The following SYT16 variants were observed in gnomAD, a reference collection of about 807,000 sequenced individuals.
SYT16 encodes the protein synaptotagmin 16, also known as synaptotagmin-16.
In SYT16, 42 loss-of-function variants were observed where a neutral mutation model predicts 61.4. The observed-to-expected ratio is 0.68, with a 90% CI of 0.53 to 0.89. The LOEUF is 0.89. SYT16 is among the 40% of genes least tolerant of loss of function. SYT16 has a pLI of 0.00. For missense variants in SYT16, 804 were observed against 807.3 expected, an observed-to-expected ratio of 1.00 and a Z score of 0.05; for synonymous variants, 314 against 302.3, an observed-to-expected ratio of 1.04 and a Z score of -0.40.
At chr14:61,967,688 T>C (rs2051370914) in intron 1 of SYT16, among the ~76,000 whole-genome samples, 1 of 152,160 alleles carries the variant, frequency 6.6e-6, no homozygotes, top group Non-Finnish European at 1.5e-5. Context: ...GATGAACTCA[T>C]TTCAAAATCC....
At chr14:61,882,662 C>T (rs1168898627) in intron 1 of SYT16, among the ~76,000 whole-genome samples, 2 of 152,164 alleles carry the variant, frequency 1.3e-5, no homozygotes, top group African/African-American at 4.8e-5. Context: ...TCTAACTGTT[C>T]CCCCAGATCT....
chr14:62,000,429 C>T (rs572094815), intron 3 of SYT16, among the ~76,000 whole-genome samples: 36 of 151,940 alleles, frequency 2.4e-4, no homozygotes, highest in Non-Finnish European at 4.6e-4. Flanking sequence ...CTTTTCCATT[C>T]TTTAAACCTA....
chr14:62,061,505 A>G (rs1056490221), intron 3 of SYT16, among the ~76,000 whole-genome samples: 2 of 152,186 alleles, frequency 1.3e-5, no homozygotes, highest in Admixed American at 1.3e-4. Flanking sequence ...TATAAGAAGC[A>G]TACATTAAAT....
At chr14:62,052,245 C>A (rs1287243258) in intron 3 of SYT16, among the ~76,000 whole-genome samples, 1 of 151,820 alleles carries the variant, frequency 6.6e-6, no homozygotes, top group African/African-American at 2.4e-5. Context: ...TTAACTATAC[C>A]CCACAAATGT....
At chr14:61,855,412 C>G (rs1049356514) in intron 1 of SYT16, among the ~76,000 whole-genome samples, 1 of 152,194 alleles carries the variant, frequency 6.6e-6, no homozygotes, top group Non-Finnish European at 1.5e-5. Context: ...TGCCAAACAT[C>G]ATAGTTTAGC....
chr14:62,060,511 AT>A (rs3079201), intron 3 of SYT16, among the ~76,000 whole-genome samples: 34,520 of 148,544 alleles, frequency 0.23, 4,051 homozygotes, highest in South Asian at 0.32. Context: ...GGATGGTGAA[AT>A]TTTTTTTTTT....
chr14:62,051,497 C>G (rs951148163), intron 3 of SYT16, among the ~76,000 whole-genome samples: 2 of 152,218 alleles, frequency 1.3e-5, no homozygotes, highest in African/African-American at 2.4e-5. Flanking sequence ...CTGTCTGGCA[C>G]TACCCAGTGA....
chr14:61,827,848 C>T (rs554343137), intron 1 of SYT16, among the ~76,000 whole-genome samples: 5 of 152,238 alleles, frequency 3.3e-5, no homozygotes, highest in African/African-American at 1.2e-4. Context: ...TTATCTGCCC[C>T]TCTATGTTTT....
chr14:62,070,567 A>T (rs1053678546), intron 4 of SYT16, among the ~76,000 whole-genome samples: 5 of 152,182 alleles, frequency 3.3e-5, no homozygotes, highest in Admixed American at 6.5e-5. Flanking sequence ...CCTCTCTAAC[A>T]TTAGACCCAA....
intron 3 of SYT16, among the ~76,000 whole-genome samples, chr14:62,068,318 C>G (rs1342314880): frequency 6.6e-6 from 1 of 151,930 alleles, no homozygotes; most frequent in Non-Finnish European, 1.5e-5. Context: ...ATAAGCCAGA[C>G]ACAGAAAGAG....
chr14:61,962,436 T>C lies in SYT16; in HGVS notation c.-324-7696T>C, dbSNP rs2051152614. Among the ~76,000 whole-genome samples the C allele has an allele frequency of 2.0e-5, 3 of 152,152 alleles. No homozygotes were observed. The South Asian group carries it at 6.2e-4, about 32-fold the overall frequency. ...ACATGTGGCTTTTCTCTTGATTCTT[T>C]CAAAATTTTTCTCTTTGACTTTTGA... On this transcript the variant is annotated intron_variant, in intron 1 of 7. Coordinates refer to ENST00000683842, the MANE Select transcript of SYT16 (RefSeq NM_001367656.1).
intron 1 of SYT16, among the ~76,000 whole-genome samples, chr14:61,882,458 A>T (rs944528843): frequency 6.6e-6 from 1 of 152,166 alleles, no homozygotes; most frequent in Non-Finnish European, 1.5e-5. Flanking sequence ...CTCATTCACT[A>T]TTATGAGAAC....
At chr14:61,950,977 G>A (rs529916581) in intron 1 of SYT16, among the ~76,000 whole-genome samples, 2 of 152,270 alleles carry the variant, frequency 1.3e-5, no homozygotes, top group South Asian at 2.1e-4. Context: ...AAAGGATGCC[G>A]ATTTTATTTG....
intron 3 of SYT16, among the ~76,000 whole-genome samples, chr14:62,049,181 T>G (rs544105992): frequency 2.3e-4 from 35 of 152,228 alleles, no homozygotes; most frequent in Non-Finnish European, 4.6e-4. Context: ...ACATATATAT[T>G]TAGGATAGTT....
At chr14:61,905,770 TTTTTTG>T (rs1419629736) in intron 1 of SYT16, among the ~76,000 whole-genome samples, 1 of 151,438 alleles carries the variant, frequency 6.6e-6, no homozygotes. Context: ...TCTTTTTTTT[TTTTTTG>T]GGGATAAATC....
intron 3 of SYT16, among the ~76,000 whole-genome samples, chr14:62,048,903 G>A (rs2055131119): frequency 6.6e-6 from 1 of 152,148 alleles, no homozygotes; most frequent in African/African-American, 2.4e-5. Context: ...CAACTATGTG[G>A]CCAATTTTGG....
intron 1 of SYT16, among the ~76,000 whole-genome samples, chr14:61,930,027 C>T (rs1374790918): frequency 6.6e-6 from 1 of 152,158 alleles, no homozygotes; most frequent in Non-Finnish European, 1.5e-5. Context: ...AAGGGGCCAG[C>T]TTGCTTAATC....
At chr14:62,059,687 T>TATATGTAATTGATAC (rs2055733107) in intron 3 of SYT16, among the ~76,000 whole-genome samples, 1 of 147,560 alleles carries the variant, frequency 6.8e-6, no homozygotes, top group African/African-American at 2.5e-5. Flanking sequence ...ATAATTTATA[T>TATATGTAATTGATAC]ATATGTATAT....
chr14:61,902,988 G>T (rs2048575936), intron 1 of SYT16, among the ~76,000 whole-genome samples: 1 of 152,144 alleles, frequency 6.6e-6, no homozygotes, highest in South Asian at 2.1e-4. Flanking sequence ...ATTTGGGTGG[G>T]GACACAGTCA....
Sources: gnomAD v4.1 joint callset for allele counts (sites outside exome capture counted in the v4.1 genomes callset) on GRCh38, gnomAD v4.1.1 for gene constraint, MANE v1.5 for transcripts, NCBI Gene and HGNC (gene_info 2026-07-23, HGNC 2026-07-21) for gene names.